Variants in PCSK5 observed in about 807,000 individuals in gnomAD.
PCSK5 encodes prohormone convertase 5.
A neutral mutation model predicts 233.2 loss-of-function variants in PCSK5; 129 were observed. The observed-to-expected ratio is 0.55, with a 90% CI of 0.48 to 0.64. The LOEUF (loss-of-function observed/expected upper bound fraction) is 0.64. PCSK5 is among the 30% of genes least tolerant of loss of function. The probability of loss-of-function intolerance (pLI) is 0.00; values close to 1 mark genes in which losing one functional copy is unlikely to be tolerated. For synonymous variants in PCSK5, 825 were observed against 879.2 expected (o/e 0.94, Z 1.09); for missense variants, 2,076 against 2,430.1 (o/e 0.85, Z 3.06).
rs149061416 is a variant in PCSK5 at position 76,089,426 on chromosome 9, T to A, written c.895-6464T>A. Among the ~76,000 whole-genome samples the A allele has an allele frequency of 1.9e-3, 287 of 152,356 alleles. 1 individual carries two copies. Among genetic ancestry groups the A allele is most frequent in the African/African-American group, 6.7e-3 (279 of 41,582 alleles). ...ATGCAGGGTCTCGACCTCTTGTCTCTACCACGTCCTAGTTATATGATACTG... is the reference window on the plus strand; with the variant it reads ...ATGCAGGGTCTCGACCTCTTGTCTCAACCACGTCCTAGTTATATGATACTG... On this transcript the variant is annotated intron_variant, in intron 7 of 37. Transcript: ENST00000674117.
intron 24 of PCSK5, among the ~76,000 whole-genome samples, chr9:76,270,786 T>G (rs1255904190): frequency 6.6e-6 from 1 of 152,154 alleles, no homozygotes; most frequent in Non-Finnish European, 1.5e-5. Flanking sequence ...TTAAAGTGGG[T>G]GTGTGAATAT....
At chr9:75,961,174 A>G (rs1470383349) in intron 2 of PCSK5, among the ~76,000 whole-genome samples, 6 of 152,358 alleles carry the variant, frequency 3.9e-5, no homozygotes, top group East Asian at 1.9e-4. Flanking sequence ...AGGTCACTGC[A>G]TCGGGTGCCT....
At chr9:76,302,865 A>C (rs1828654937) in intron 28 of PCSK5, among the ~76,000 whole-genome samples, 1 of 152,184 alleles carries the variant, frequency 6.6e-6, no homozygotes, top group Non-Finnish European at 1.5e-5. Context: ...TATTAAATAA[A>C]AAATAAATAC....
chr9:76,252,433 C>G (rs1223950729), intron 24 of PCSK5, among the ~76,000 whole-genome samples: 1 of 152,190 alleles, frequency 6.6e-6, no homozygotes, highest in African/African-American at 2.4e-5. Flanking sequence ...CACTGTTCTT[C>G]ATAGTCATGC....
intron 2 of PCSK5, among the ~76,000 whole-genome samples, chr9:75,960,868 G>T (rs1825321584): frequency 6.6e-6 from 1 of 152,200 alleles, no homozygotes; most frequent in Non-Finnish European, 1.5e-5. Context: ...GAGTTCAGTT[G>T]TCCTGGTCAA....
At chr9:76,336,264 C>T (rs868129416) in intron 34 of PCSK5, among the ~76,000 whole-genome samples, 57 of 152,230 alleles carry the variant, frequency 3.7e-4, no homozygotes, top group Middle Eastern at 6.8e-3. Flanking sequence ...TCAACATAAC[C>T]TAGGCATGGT....
chr9:76,068,821 G>A (rs1214470397), intron 6 of PCSK5, among the ~76,000 whole-genome samples: 1 of 152,024 alleles, frequency 6.6e-6, no homozygotes, highest in Non-Finnish European at 1.5e-5. Flanking sequence ...TATTCCCTAG[G>A]GGTCTCCTAA....
chr9:76,168,346 ACCATGTTG>A (rs1234286596), intron 12 of PCSK5, among the ~76,000 whole-genome samples: 1 of 152,114 alleles, frequency 6.6e-6, no homozygotes, highest in African/African-American at 2.4e-5. Flanking sequence ...ACGGGGTTTC[ACCATGTTG>A]GCCAGACTGG....
intron 5 of PCSK5, among the ~76,000 whole-genome samples, chr9:76,038,974 T>C (rs1464329961): frequency 6.6e-6 from 1 of 152,204 alleles, no homozygotes; most frequent in Non-Finnish European, 1.5e-5. Flanking sequence ...TAGAACCACA[T>C]TCCACAACAT....
chr9:76,071,928 T>G, intron 7 of PCSK5, 30 bp downstream of exon 7: 1 of 1,580,664 alleles, frequency 6.3e-7, no homozygotes, highest in Non-Finnish European at 8.6e-7. Context: ...AGGCTTATAC[T>G]GTGTGGATGG....
intron 2 of PCSK5, among the ~76,000 whole-genome samples, chr9:75,979,587 T>A (rs1462529627): frequency 6.6e-6 from 1 of 152,188 alleles, no homozygotes; most frequent in Non-Finnish European, 1.5e-5. Context: ...CTGGTAGGCC[T>A]GAGGGATTGC....
intron 3 of PCSK5, among the ~76,000 whole-genome samples, chr9:76,010,857 G>A (rs935815311): frequency 6.6e-5 from 10 of 152,154 alleles, no homozygotes; most frequent in South Asian, 6.2e-4. Context: ...TTGTGTTAAC[G>A]TTATTCCTTT....
At chr9:75,908,917 ATCTATCTC>A (rs796285754) in intron 1 of PCSK5, among the ~76,000 whole-genome samples, 2,649 of 116,354 alleles carry the variant, frequency 0.023, 71 homozygotes, top group African/African-American at 0.057. Flanking sequence ...CTATCTATCT[ATCTATCTC>A]TCTATCTCTC....
At chr9:76,133,470 C>CAA (rs1822844404) in intron 9 of PCSK5, among the ~76,000 whole-genome samples, 1 of 152,002 alleles carries the variant, frequency 6.6e-6, no homozygotes, top group South Asian at 2.1e-4. Context: ...AACTAGGTGT[C>CAA]TAATAACACA....
At chr9:76,034,492 C>G (rs12344643) in intron 5 of PCSK5, among the ~76,000 whole-genome samples, 1 of 152,146 alleles carries the variant, frequency 6.6e-6, no homozygotes, top group Admixed American at 6.5e-5. Context: ...CTATTCTACT[C>G]TATGTATCCC....
chr9:75,912,273 G>T (rs1167665376), intron 1 of PCSK5, among the ~76,000 whole-genome samples: 2 of 152,146 alleles, frequency 1.3e-5, no homozygotes. Flanking sequence ...TCTGGTTGAG[G>T]GAACAGCCAG....
intron 5 of PCSK5, among the ~76,000 whole-genome samples, chr9:76,049,784 A>C (rs1587551482): frequency 6.6e-6 from 1 of 152,190 alleles, no homozygotes; most frequent in African/African-American, 2.4e-5. Context: ...TTTGCTTATG[A>C]TCAGGAAACA....
At chr9:76,059,640 T>C (rs1174135007) in intron 5 of PCSK5, among the ~76,000 whole-genome samples, 1 of 152,140 alleles carries the variant, frequency 6.6e-6, no homozygotes, top group Non-Finnish European at 1.5e-5. Context: ...CTTGTTTTTG[T>C]CAGGTTTGTC....
At position 76,293,242 on chromosome 9, in the gene PCSK5, G is replaced by A. The variant is rs1418569375; in HGVS notation, c.3185+967G>A. Among the ~76,000 whole-genome samples the A allele has an allele frequency of 4.6e-5, 7 of 152,160 alleles. No homozygotes were observed. In the South Asian group the frequency reaches 1.2e-3, roughly 27 times the overall value. On this transcript the variant is annotated intron_variant, in intron 25 of 37. Coordinates refer to ENST00000674117, the MANE Select transcript of PCSK5 (RefSeq NM_001372043.1). ...CCAAAAACAAATACACTTGAAATGT[G>A]GTAATAGGTAAGAAAAAGTAAAAGG...
Sources: gnomAD v4.1 joint callset for allele counts (sites outside exome capture counted in the v4.1 genomes callset) on GRCh38, gnomAD v4.1.1 for gene constraint, MANE v1.5 for transcripts, NCBI Gene and HGNC (gene_info 2026-07-23, HGNC 2026-07-21) for gene names.